The following LINGO2 variants were observed in gnomAD, a reference collection of about 807,000 sequenced individuals.
LINGO2 encodes leucine rich repeat and Ig domain containing 2.
Under a neutral mutation model 30.6 loss-of-function variants are expected in LINGO2, and 14 were observed. That is an observed-to-expected ratio of 0.46 (90% CI 0.30 to 0.72). LINGO2 has a LOEUF of 0.72. LINGO2 is among the 30% of genes least tolerant of loss of function. LINGO2 has a pLI of 0.07. For synonymous variants in LINGO2, 317 were observed against 288.5 expected (o/e 1.10, Z -1.00); for missense variants, 729 against 751.7 (o/e 0.97, Z 0.35).
At chr9:28,827,219 C>G in the LINGO2 span, among the ~76,000 whole-genome samples, 1 of 152,178 alleles carries the variant, frequency 6.6e-6, no homozygotes, top group Non-Finnish European at 1.5e-5. Flanking sequence ...TCCAGTTTCT[C>G]TGATAAAGCA....
chr9:28,172,038 A>C (rs1364395653), intron 4 of LINGO2, among the ~76,000 whole-genome samples: 4 of 140,008 alleles, frequency 2.9e-5, no homozygotes, highest in Non-Finnish European at 6.1e-5. Context: ...AAAAAACAAA[A>C]AAAAAAACCC....
At chr9:28,847,343 T>C in the LINGO2 span, among the ~76,000 whole-genome samples, 1 of 148,236 alleles carries the variant, frequency 6.7e-6, no homozygotes, top group Non-Finnish European at 1.5e-5. Context: ...GAAATATGCC[T>C]TCTTTGATCC....
chr9:28,208,148 A>T (rs1449160077), intron 4 of LINGO2, among the ~76,000 whole-genome samples: 1 of 152,108 alleles, frequency 6.6e-6, no homozygotes, highest in Non-Finnish European at 1.5e-5. Flanking sequence ...GAACATGTAG[A>T]TTTTATAAAT....
rs1282395502 is a variant in LINGO2, at chr9:28,348,852, G to A, written c.-246+23984C>T. 9.9e-5 allele frequency among the ~76,000 whole-genome samples: 15 copies of A among 151,680 alleles called. No individual in the cohort carries two copies. In the South Asian group the frequency reaches 1.9e-3, roughly 19 times the overall value. Reference sequence around the variant, plus strand: ...GTGGGTCCCTGACCCCTGAACCCCGGGCAGCCTAACTGGGAGGCACCCCCC... The same window carrying A: ...GTGGGTCCCTGACCCCTGAACCCCGAGCAGCCTAACTGGGAGGCACCCCCC... On this transcript the variant is annotated intron_variant, in intron 3 of 5. Transcript: ENST00000379992.
chr9:27,981,230 C>T (rs1326815532), intron 5 of LINGO2, among the ~76,000 whole-genome samples: 1 of 151,730 alleles, frequency 6.6e-6, no homozygotes, highest in Non-Finnish European at 1.5e-5. Context: ...ATTTACACAT[C>T]CATTATGTGC....
chr9:28,361,869 T>C (rs557628285), intron 3 of LINGO2, among the ~76,000 whole-genome samples: 1 of 152,336 alleles, frequency 6.6e-6, no homozygotes, highest in Admixed American at 6.5e-5. Context: ...TTTCTCCATC[T>C]TTTAAAGATG....
chr9:27,996,344 C>T (rs1418869989), intron 5 of LINGO2, among the ~76,000 whole-genome samples: 2 of 152,126 alleles, frequency 1.3e-5, no homozygotes, highest in African/African-American at 2.4e-5. Context: ...ATGTTTATTG[C>T]AGCACTATTC....
At chr9:29,071,296 ATCC>A in the LINGO2 span, among the ~76,000 whole-genome samples, 5 of 150,618 alleles carry the variant, frequency 3.3e-5, no homozygotes, top group Admixed American at 1.3e-4. Flanking sequence ...AGTTAAAGCC[ATCC>A]TCCTTCTTCA....
At chr9:28,028,117 C>T (rs1823472940) in intron 4 of LINGO2, among the ~76,000 whole-genome samples, 1 of 152,126 alleles carries the variant, frequency 6.6e-6, no homozygotes, top group African/African-American at 2.4e-5. Flanking sequence ...CTGTTTTCAT[C>T]ACTCATGCTA....
chr9:28,081,168 C>T (rs1015856341), intron 4 of LINGO2, among the ~76,000 whole-genome samples: 4 of 152,102 alleles, frequency 2.6e-5, no homozygotes, highest in African/African-American at 7.2e-5. Context: ...GTATCCCTGG[C>T]CTCTACCCAC....
the LINGO2 span, among the ~76,000 whole-genome samples, chr9:28,990,650 G>A: frequency 6.6e-6 from 1 of 152,106 alleles, no homozygotes; most frequent in African/African-American, 2.4e-5. Context: ...GTACTCCTCT[G>A]AGACAAAACT....
the LINGO2 span, among the ~76,000 whole-genome samples, chr9:29,129,454 G>A: frequency 1.4e-3 from 210 of 152,086 alleles, no homozygotes; most frequent in South Asian, 0.014. Context: ...TTAAGAAAGC[G>A]TTATGATATG....
At chr9:28,241,314 A>G (rs1333301958) in intron 4 of LINGO2, among the ~76,000 whole-genome samples, 2 of 140,962 alleles carry the variant, frequency 1.4e-5, no homozygotes, top group Non-Finnish European at 3.1e-5. Flanking sequence ...AAAAAAATCT[A>G]AGAATGTGGG....
At chr9:29,110,235 ATGTT>A in the LINGO2 span, among the ~76,000 whole-genome samples, 3 of 152,202 alleles carry the variant, frequency 2.0e-5, no homozygotes, top group African/African-American at 7.2e-5. Flanking sequence ...TTTACTATGA[ATGTT>A]CAAACAAATG....
chr9:28,935,767 C>A, the LINGO2 span, among the ~76,000 whole-genome samples: 6 of 151,832 alleles, frequency 4.0e-5, no homozygotes, highest in Admixed American at 3.9e-4. Context: ...TTGAGCTAAT[C>A]TGATTACTTT....
At position 28,632,856 on chromosome 9, in the gene LINGO2, T is replaced by TA. The variant is rs1259571755; in HGVS notation, c.-365+37343_-365+37344insT. Among the ~76,000 whole-genome samples the TA allele has an allele frequency of 6.6e-3, 622 of 93,646 alleles. 20 individuals carry two copies. The highest frequency in any genetic ancestry group is 8.5e-3 in the Non-Finnish European group (434 of 50,856). 61.4% of individuals were successfully genotyped at this position (93,646 alleles called of 152,430 possible). ...ATATATATAAATCTATATATATTTT[T>TA]TATATATATATATATATATATATGT... On this transcript the variant is annotated intron_variant, in intron 1 of 5. Coordinates refer to ENST00000379992, the Ensembl canonical transcript of LINGO2.
the LINGO2 span, among the ~76,000 whole-genome samples, chr9:28,906,819 T>C: frequency 6.6e-6 from 1 of 151,928 alleles, no homozygotes; most frequent in African/African-American, 2.4e-5. Context: ...AAACAATATA[T>C]ACACAAAAGG....
At chr9:29,175,364 T>C in the LINGO2 span, among the ~76,000 whole-genome samples, 5 of 152,192 alleles carry the variant, frequency 3.3e-5, no homozygotes, top group Non-Finnish European at 4.4e-5. Context: ...TATTACTATA[T>C]ACAATCCTAA....
chr9:28,341,946 A>G (rs1457112727), intron 3 of LINGO2, among the ~76,000 whole-genome samples: 1 of 152,082 alleles, frequency 6.6e-6, no homozygotes, highest in African/African-American at 2.4e-5. Context: ...TTTTTATCCT[A>G]TAGGGGAGAG....
Sources: allele counts gnomAD v4.1 joint callset (sites outside exome capture counted in the v4.1 genomes callset), GRCh38; gene constraint gnomAD v4.1.1; transcripts MANE v1.5; gene names NCBI Gene and HGNC (gene_info 2026-07-23, HGNC 2026-07-21).